PNPLA5: variants seen among roughly 807,000 people sequenced by gnomAD.
The protein encoded by PNPLA5 is patatin like domain 5, triacylglycerol lipase.
A neutral mutation model predicts 49.1 loss-of-function variants in PNPLA5; 44 were observed. That is an observed-to-expected ratio of 0.90 (90% CI 0.70 to 1.15). The LOEUF (loss-of-function observed/expected upper bound fraction) is 1.15, where lower values mean the gene tolerates loss of function less well. PNPLA5 is among the 50% of genes most tolerant of loss of function. The pLI is 0.00. For missense variants in PNPLA5, 603 were observed against 564.0 expected (o/e 1.07, Z -0.70); for synonymous variants, 243 against 244.4 (o/e 0.99, Z 0.06).
Position 43,885,965 on chromosome 22 carries a change from G to A in PNPLA5, c.949+338C>T, listed in dbSNP as rs112927714. 1.4e-3 allele frequency among the ~76,000 whole-genome samples: 210 copies of A among 152,266 alleles called. 3 individuals are homozygous for A. Among genetic ancestry groups the A allele is most frequent in the African/African-American group, 4.8e-3 (201 of 41,544 alleles). On this transcript the variant is annotated intron_variant, in intron 6 of 8. Coordinates refer to ENST00000216177, the MANE Select transcript of PNPLA5 (RefSeq NM_138814.4). ...GTCTGTCAACACTCCCGCCCTTTCC[G>A]GGGCAGTGGGCAAAGACCTGGCTTT...
intron 1 of PNPLA5, 130 bp from the exon 2 acceptor site, chr22:43,891,424 G>A: frequency 5.7e-6 from 8 of 1,408,260 alleles, no homozygotes; most frequent in Non-Finnish European, 7.4e-6. Flanking sequence ...TTCTGGGCTC[G>A]GCCCCGGATT....
At chr22:43,883,836 G>A (rs1175506476) in intron 7 of PNPLA5, among the ~76,000 whole-genome samples, 3 of 151,614 alleles carry the variant, frequency 2.0e-5, no homozygotes, top group Non-Finnish European at 4.4e-5. Flanking sequence ...AGAAAAGAAA[G>A]AAAAGAGAAG....
chr22:43,886,931 C>T (rs569334857), intron 5 of PNPLA5, among the ~76,000 whole-genome samples: 4 of 152,198 alleles, frequency 2.6e-5, no homozygotes, highest in South Asian at 2.1e-4. Flanking sequence ...TTGGTTGTAA[C>T]GTAGGACTTG....
intron 8 of PNPLA5, 109 bp from the exon 9 acceptor site, chr22:43,880,994 A>G (rs1175739937): frequency 5.6e-6 from 7 of 1,243,484 alleles, no homozygotes; most frequent in Non-Finnish European, 7.1e-6. Flanking sequence ...TCTTCCCCCA[A>G]ATCCTGCTCT....
chr22:43,886,948 T>C (rs1196773900), intron 5 of PNPLA5, among the ~76,000 whole-genome samples: 1 of 152,166 alleles, frequency 6.6e-6, no homozygotes, highest in South Asian at 2.1e-4. Flanking sequence ...CTTGAGCACA[T>C]GAGTTCTGGA....
Position 43,880,838 on chromosome 22 carries a change from A to G in PNPLA5, c.1247T>C (p.Ile416Thr), listed in dbSNP as rs2049602206. The G allele has an allele frequency of 1.5e-6, 2 of 1,339,582 alleles. No homozygotes were observed. The highest frequency in any genetic ancestry group is 1.5e-5 in the African/African-American group (1 of 66,628). The allele number at this position is 1,339,582 out of a possible 1,614,324, so 83.0% of individuals were successfully genotyped here. A position where few individuals can be genotyped will look rare whatever the true frequency, so the allele number is the denominator to read the frequency against. ...CCCGAGCTCCTCTCTATGAGGAGCT[A>G]TCTGGGGTTGGAGGGGGCTTGTTTC... is the stretch of plus-strand genomic sequence containing the variant. ...VLETSPLQPQ[I>T]APHREELGPT... is the part of the protein sequence containing the mutation. Residue 416 changes from isoleucine (I) to threonine (T), a missense_variant, in exon 9 of 9, where the codon ATA (isoleucine) becomes ACA (threonine). By Grantham distance (89) the Ile-to-Thr change is moderately conservative (BLOSUM62 -1). Coordinates refer to ENST00000216177, the MANE Select transcript of PNPLA5 (RefSeq NM_138814.4).
chr22:43,882,325 T>C (rs922136222), intron 7 of PNPLA5, among the ~76,000 whole-genome samples: 1 of 152,202 alleles, frequency 6.6e-6, no homozygotes, highest in African/African-American at 2.4e-5. Flanking sequence ...AGAGACAGCA[T>C]GAGTCTGTCT....
At chr22:43,884,189 C>T in intron 7 of PNPLA5, 24 bp downstream of exon 7, 1 of 1,520,822 alleles carries the variant, frequency 6.6e-7, no homozygotes. Flanking sequence ...CAGGCCCTTC[C>T]CAGGCCCCCT....
Position 43,880,869 on chromosome 22 carries a change from C to T in PNPLA5, c.1216G>A (p.Val406Ile), listed in dbSNP as rs751134085. 9.7e-6 allele frequency: 13 copies of T among 1,335,776 alleles called. No individual in the cohort carries two copies. The highest frequency in any genetic ancestry group is 1.5e-5 in the African/African-American group (1 of 66,456). 82.7% of individuals were successfully genotyped at this position (1,335,776 alleles called of 1,614,324 possible). Residue 406 changes from valine to isoleucine, a missense_variant, in exon 9 of 9, where the codon GTC (valine) becomes ATC (isoleucine). Coordinates refer to ENST00000216177, the MANE Select transcript of PNPLA5 (RefSeq NM_138814.4). ...LGPISPPATR[V>I]LETSPLQPQI... is the part of the protein sequence containing the mutation. ...GGTTGGAGGGGGCTTGTTTCCAGGA[C>T]GCGAGTGGCCGGAGGGCTGTGGAGG...
At chr22:43,881,329 G>A (rs1603412115) in intron 8 of PNPLA5, among the ~76,000 whole-genome samples, 2 of 152,226 alleles carry the variant, frequency 1.3e-5, no homozygotes, top group East Asian at 1.9e-4. Flanking sequence ...GCACCTGGCA[G>A]GTCATGCAGA....
In PNPLA5 at chr22:43,880,269, C is replaced by T. The variant is rs770143785; in HGVS notation, c.*526G>A. 2 of 397,728 alleles carry T rather than the reference C, an allele frequency of 5.0e-6. No individual in the cohort carries two copies. The highest frequency in any genetic ancestry group is 8.8e-6 in the Non-Finnish European group (2 of 226,128). 24.6% of individuals were successfully genotyped at this position (397,728 alleles called of 1,614,324 possible). A position where few individuals can be genotyped will look rare whatever the true frequency, so the allele number is the denominator to read the frequency against. On this transcript the variant is annotated 3_prime_UTR_variant, in exon 9 of 9. Transcript: ENST00000216177. ...CCTCCTGCTTCCTGCCAGGGCCTTCCACCCTCTGGACCTGATAGGAATTCA... is the reference window on the plus strand; with the variant it reads ...CCTCCTGCTTCCTGCCAGGGCCTTCTACCCTCTGGACCTGATAGGAATTCA...
At chr22:43,889,141 A>C (rs1350815857) in intron 4 of PNPLA5, among the ~76,000 whole-genome samples, 188 bp downstream of exon 4, 1 of 152,224 alleles carries the variant, frequency 6.6e-6, no homozygotes, top group Non-Finnish European at 1.5e-5. Context: ...GGCTCAGGGC[A>C]GCAAGAACAG....
intron 5 of PNPLA5, among the ~76,000 whole-genome samples, chr22:43,886,851 A>G (rs2049670252): frequency 2.0e-5 from 3 of 152,224 alleles, no homozygotes; most frequent in Admixed American, 1.3e-4. Flanking sequence ...AACAAGATAA[A>G]TACATAAAGC....
At position 43,884,339 on chromosome 22, in the gene PNPLA5, T is replaced by C; in HGVS notation, c.956A>G (p.Lys319Arg). The C allele has an allele frequency of 2.5e-6, 4 of 1,573,424 alleles. No homozygotes were observed. In the South Asian group the frequency reaches 3.5e-5, roughly 14 times the overall value. ...QLSPELEAAL[K>R]KACTRDPSRW... ...GCTGGGATCCCTCGTACATGCTTTC[T>C]TCAGTGCTGCAAGAGAAGCCCTGGC... Residue 319 changes from lysine to arginine, a missense_variant, in exon 7 of 9, where the codon AAG (lysine) becomes AGG (arginine). Lys to Arg is a conservative substitution (Grantham distance 26, BLOSUM62 2). Transcript: ENST00000216177.
intron 7 of PNPLA5, 88 bp downstream of exon 7, chr22:43,884,125 C>G (rs541514517): frequency 3.9e-6 from 5 of 1,272,880 alleles, no homozygotes; most frequent in Non-Finnish European, 4.2e-6. Context: ...GAGCCCTACC[C>G]ACCCAGTGTG....
intron 7 of PNPLA5, 132 bp downstream of exon 7, chr22:43,884,081 G>A: frequency 1.3e-6 from 1 of 773,274 alleles, no homozygotes; most frequent in Admixed American, 2.7e-5. Flanking sequence ...ACCACACAGT[G>A]TGGGGACACC....
intron 6 of PNPLA5, 176 bp from the exon 7 acceptor site, chr22:43,884,521 C>T (rs561384176): frequency 5.2e-6 from 3 of 577,232 alleles, no homozygotes; most frequent in South Asian, 7.6e-5. Flanking sequence ...CATCGTTGTC[C>T]GTGAGACAAG....
chr22:43,884,906 C>G (rs767115895), intron 6 of PNPLA5, among the ~76,000 whole-genome samples: 5 of 152,204 alleles, frequency 3.3e-5, no homozygotes, highest in Admixed American at 6.5e-5. Context: ...ACAGCTCAGG[C>G]CACCACGTCC....
chr22:43,886,179 T>G, intron 6 of PNPLA5, 124 bp downstream of exon 6: 1 of 1,063,916 alleles, frequency 9.4e-7, no homozygotes, highest in Non-Finnish European at 1.3e-6. Context: ...TGGCATTTAG[T>G]AGGTGCTCAG....
Sources: gnomAD v4.1 joint callset for allele counts (sites outside exome capture counted in the v4.1 genomes callset) on GRCh38, gnomAD v4.1.1 for gene constraint, MANE v1.5 for transcripts, NCBI Gene and HGNC (gene_info 2026-07-23, HGNC 2026-07-21) for gene names.